SCAF8: variants seen among roughly 807,000 people sequenced by gnomAD.
SCAF8 encodes SR-related and CTD-associated factor 8.
Under a neutral mutation model 140.5 loss-of-function variants are expected in SCAF8, and 23 were observed. That is an observed-to-expected ratio of 0.16 (90% CI 0.12 to 0.23). The LOEUF is 0.23. Among genes scored for constraint, SCAF8 ranks in the 10% least tolerant of loss-of-function variants. The probability of loss-of-function intolerance (pLI) is 1.00; values close to 1 mark genes in which losing one functional copy is unlikely to be tolerated. For synonymous variants in SCAF8, 575 were observed against 528.9 expected (o/e 1.09, Z -1.20); for missense variants, 1,397 against 1,555.7 (o/e 0.90, Z 1.72).
At chr6:154,795,915 A>G (rs1023214074) in intron 6 of SCAF8, among the ~76,000 whole-genome samples, 5 of 152,110 alleles carry the variant, frequency 3.3e-5, no homozygotes, top group Non-Finnish European at 4.4e-5. Flanking sequence ...AGATTCTTCA[A>G]ATTTCTTAGA....
intron 5 of SCAF8, among the ~76,000 whole-genome samples, chr6:154,793,571 T>C (rs1052360118): frequency 6.6e-6 from 1 of 151,792 alleles, no homozygotes; most frequent in Non-Finnish European, 1.5e-5. Flanking sequence ...TCCTAGCACT[T>C]TGGGAGGCCG....
chr6:154,765,562 C>T (rs1044221339), intron 1 of SCAF8, among the ~76,000 whole-genome samples: 1 of 152,096 alleles, frequency 6.6e-6, no homozygotes, highest in Non-Finnish European at 1.5e-5. Flanking sequence ...AATGTGTGTT[C>T]AGATTAGTAG....
In SCAF8 at chr6:154,746,659, C is replaced by T. The variant is rs540402501; in HGVS notation, c.30+12729C>T. On this transcript the variant is annotated intron_variant, in intron 1 of 19. Transcript: ENST00000367178. The stretch of plus-strand genomic sequence containing the variant: ...AATTGCTAAAGCATATATCTGTAAA[C>T]AAACCTATTAATTAGAGTTTGTTTA... Among the ~76,000 whole-genome samples the T allele has an allele frequency of 6.4e-3, 967 of 152,274 alleles. 13 individuals carry two copies. The highest frequency in any genetic ancestry group is 0.022 in the African/African-American group (912 of 41,558).
intron 1 of SCAF8, among the ~76,000 whole-genome samples, chr6:154,741,256 T>C (rs1335961653): frequency 6.6e-6 from 1 of 152,188 alleles, no homozygotes; most frequent in Non-Finnish European, 1.5e-5. Flanking sequence ...CATCATTAAA[T>C]ATAAAAAAAT....
At chr6:154,812,176 C>CTT (rs67493657) in intron 12 of SCAF8, among the ~76,000 whole-genome samples, 1,545 of 106,346 alleles carry the variant, frequency 0.015, 18 homozygotes, top group Non-Finnish European at 0.019. Flanking sequence ...AAGATACTGC[C>CTT]TTTTTTTTTT....
Position 154,739,944 on chromosome 6 carries a change from G to A in SCAF8, c.30+6014G>A, listed in dbSNP as rs969974015. ...TTTAGTTTATTTTTCCTTTGTTGATGGTTCAGGATAGGGAATTTATGGGAA... is the reference window on the plus strand; with the variant it reads ...TTTAGTTTATTTTTCCTTTGTTGATAGTTCAGGATAGGGAATTTATGGGAA... On this transcript the variant is annotated intron_variant, in intron 1 of 19. Coordinates refer to ENST00000367178, the MANE Select transcript of SCAF8 (RefSeq NM_014892.5). Among the ~76,000 whole-genome samples, 5 of 152,076 alleles carry A rather than the reference G, an allele frequency of 3.3e-5. No individual in the cohort carries two copies. The East Asian group carries it at 9.6e-4, about 29-fold the overall frequency.
At chr6:154,804,815 G>T (rs992857991) in intron 8 of SCAF8, among the ~76,000 whole-genome samples, 2 of 152,042 alleles carry the variant, frequency 1.3e-5, no homozygotes, top group Non-Finnish European at 1.5e-5. Flanking sequence ...TATTCCAGGT[G>T]TGAATTTCCA....
intron 2 of SCAF8, among the ~76,000 whole-genome samples, chr6:154,774,581 A>G (rs1399148821): frequency 1.3e-5 from 2 of 152,156 alleles, no homozygotes; most frequent in South Asian, 2.1e-4. Flanking sequence ...TTGAGTTGGT[A>G]AAAGTTTCTA....
At chr6:154,734,016 C>T in intron 1 of SCAF8, 86 bp downstream of exon 1, 2 of 1,425,802 alleles carry the variant, frequency 1.4e-6, no homozygotes, top group Non-Finnish European at 1.8e-6. Context: ...TGGGCGCGGG[C>T]CTGCGGGTTT....
At chr6:154,794,925 T>TAATAAAAC (rs1777555056) in intron 5 of SCAF8, 84 bp from the exon 6 acceptor site, 2 of 1,294,354 alleles carry the variant, frequency 1.5e-6, no homozygotes, top group Non-Finnish European at 2.1e-6. Flanking sequence ...TTTATAAAAG[T>TAATAAAAC]AATAAAACAA....
chr6:154,747,517 A>C (rs746192318), intron 1 of SCAF8, among the ~76,000 whole-genome samples: 1 of 152,222 alleles, frequency 6.6e-6, no homozygotes. Flanking sequence ...TCTCAAAACA[A>C]AACAAAAAAA....
chr6:154,807,124 C>T (rs978118538), intron 9 of SCAF8, among the ~76,000 whole-genome samples: 6 of 152,240 alleles, frequency 3.9e-5, no homozygotes, highest in African/African-American at 1.4e-4. Context: ...TTTTAATGGT[C>T]TCTCTCTTAG....
chr6:154,789,180 C>T (rs1777339384), intron 4 of SCAF8, among the ~76,000 whole-genome samples: 1 of 152,060 alleles, frequency 6.6e-6, no homozygotes, highest in South Asian at 2.1e-4. Flanking sequence ...ATGATCTTGG[C>T]TCACTGCTAC....
At position 154,779,637 on chromosome 6, in the gene SCAF8, G is replaced by A. The variant is rs529695670; in HGVS notation, c.159+1592G>A. Among the ~76,000 whole-genome samples, 448 of 152,220 alleles carry A rather than the reference G, an allele frequency of 2.9e-3. 4 individuals carry two copies. The highest frequency in any genetic ancestry group is 0.01 in the African/African-American group (435 of 41,540). ...CTGGAATGAGCAAAGTTACTCTATC[G>A]TGAGATAATTACAGTCAATCTGAAG... On this transcript the variant is annotated intron_variant, in intron 3 of 19. Transcript: ENST00000367178.
chr6:154,769,700 T>A (rs1390286196), intron 1 of SCAF8, among the ~76,000 whole-genome samples: 1 of 152,246 alleles, frequency 6.6e-6, no homozygotes, highest in Admixed American at 6.5e-5. Flanking sequence ...TAACAACTTT[T>A]AATAAGGGGA....
intron 1 of SCAF8, among the ~76,000 whole-genome samples, chr6:154,749,442 G>C (rs1230133113): frequency 1.3e-5 from 2 of 152,176 alleles, no homozygotes; most frequent in African/African-American, 4.8e-5. Flanking sequence ...CCATTCTGCA[G>C]GGTAGTCCGC....
chr6:154,735,676 G>A (rs1025483238), intron 1 of SCAF8, among the ~76,000 whole-genome samples: 3 of 151,464 alleles, frequency 2.0e-5, no homozygotes, highest in Admixed American at 2.0e-4. Flanking sequence ...ACCACGCCCC[G>A]CTAATTTTTG....
chr6:154,757,209 A>AGTC (rs1778988819), intron 1 of SCAF8, among the ~76,000 whole-genome samples: 1 of 152,128 alleles, frequency 6.6e-6, no homozygotes, highest in East Asian at 1.9e-4. Context: ...TTGCCAGTCT[A>AGTC]GTCTCAAACT....
At chr6:154,760,168 C>G (rs1461503585) in intron 1 of SCAF8, among the ~76,000 whole-genome samples, 1 of 152,054 alleles carries the variant, frequency 6.6e-6, no homozygotes, top group Non-Finnish European at 1.5e-5. Flanking sequence ...GTGGTGCATG[C>G]CTGTAATCCC....
Sources: gnomAD v4.1 joint callset for allele counts (sites outside exome capture counted in the v4.1 genomes callset) on GRCh38, gnomAD v4.1.1 for gene constraint, MANE v1.5 for transcripts, NCBI Gene and HGNC (gene_info 2026-07-23, HGNC 2026-07-21) for gene names.